The following SMYD3 variants were observed in gnomAD, a reference collection of about 807,000 sequenced individuals.
SMYD3 encodes the protein SET and MYND domain containing 3.
In SMYD3, 36 loss-of-function variants were observed where a neutral mutation model predicts 57.7. The ratio of observed to expected loss-of-function variants is 0.62; its 90% confidence interval spans 0.48 to 0.82. The LOEUF (loss-of-function observed/expected upper bound fraction) is 0.82, where lower values mean the gene tolerates loss of function less well. SMYD3 is among the 40% of genes least tolerant of loss of function. The pLI is 0.00. For missense variants in SMYD3, 515 were observed against 538.8 expected (o/e 0.96, Z 0.44); for synonymous variants, 211 against 195.0 (o/e 1.08, Z -0.68).
Position 246,497,295 on chromosome 1 carries a change from A to C in SMYD3, c.164+9759T>G, listed in dbSNP as rs946424968. Among the ~76,000 whole-genome samples, 8 of 152,238 alleles carry C rather than the reference A, an allele frequency of 5.3e-5. 1 individual carries two copies. Among genetic ancestry groups the C allele is most frequent in the Admixed American group, 3.9e-4 (6 of 15,280 alleles). On this transcript the variant is annotated intron_variant, in intron 1 of 11. Coordinates refer to ENST00000490107, the MANE Select transcript of SMYD3 (RefSeq NM_001167740.2). Reference sequence around the variant, plus strand: ...CATGTAAATTTCATTAGTGAGTTTTATATAGATATTTATGACAAAATTTAA... The same window carrying C: ...CATGTAAATTTCATTAGTGAGTTTTCTATAGATATTTATGACAAAATTTAA...
At chr1:246,137,333 A>G (rs183937478) in intron 5 of SMYD3, among the ~76,000 whole-genome samples, 15 of 152,260 alleles carry the variant, frequency 9.9e-5, no homozygotes, top group Non-Finnish European at 1.6e-4. Flanking sequence ...TCCTTTATGT[A>G]TCTCCCCAAA....
intron 10 of SMYD3, among the ~76,000 whole-genome samples, chr1:245,770,340 T>G (rs1243367239): frequency 6.6e-6 from 1 of 152,180 alleles, no homozygotes; most frequent in African/African-American, 2.4e-5. Flanking sequence ...GAAACTGGAA[T>G]TCAGGGATCA....
chr1:246,353,041 A>G (rs1352737234), intron 2 of SMYD3, among the ~76,000 whole-genome samples: 1 of 152,200 alleles, frequency 6.6e-6, no homozygotes. Flanking sequence ...GAACATCACC[A>G]TAAACCAAGC....
At chr1:245,904,972 C>A (rs1409639431) in intron 8 of SMYD3, among the ~76,000 whole-genome samples, 1 of 151,830 alleles carries the variant, frequency 6.6e-6, no homozygotes, top group African/African-American at 2.4e-5. Flanking sequence ...TCCCAGATGA[C>A]ATTTCTAGAC....
At chr1:246,369,107 C>T (rs2066152573) in intron 1 of SMYD3, among the ~76,000 whole-genome samples, 1 of 152,134 alleles carries the variant, frequency 6.6e-6, no homozygotes, top group Non-Finnish European at 1.5e-5. Context: ...AATAACATTA[C>T]ATGGGCCCTG....
At chr1:246,213,564 T>A (rs1354906724) in intron 5 of SMYD3, among the ~76,000 whole-genome samples, 3 of 152,180 alleles carry the variant, frequency 2.0e-5, no homozygotes, top group Admixed American at 6.5e-5. Context: ...CCAAGTTTGC[T>A]AGAACAAGGG....
At chr1:246,252,277 G>A (rs1027224070) in intron 5 of SMYD3, among the ~76,000 whole-genome samples, 1 of 151,590 alleles carries the variant, frequency 6.6e-6, no homozygotes, top group African/African-American at 2.4e-5. Context: ...GGCTTTAGTA[G>A]GTGCCTCAAA....
intron 5 of SMYD3, among the ~76,000 whole-genome samples, chr1:246,126,455 C>A (rs2061511085): frequency 6.6e-6 from 1 of 152,162 alleles, no homozygotes; most frequent in South Asian, 2.1e-4. Context: ...GTTTAGTAGT[C>A]ACTGAATTAT....
chr1:246,192,825 C>T (rs1425647811), intron 5 of SMYD3, among the ~76,000 whole-genome samples: 4 of 151,196 alleles, frequency 2.6e-5, no homozygotes, highest in South Asian at 4.2e-4. Context: ...AAAAGGAGAA[C>T]AGTAAGTCCT....
intron 1 of SMYD3, among the ~76,000 whole-genome samples, chr1:246,489,342 A>G (rs972019570): frequency 2.0e-5 from 3 of 151,986 alleles, no homozygotes; most frequent in African/African-American, 4.8e-5. Flanking sequence ...ACAGAGCGAG[A>G]CTCCATCTCA....
chr1:246,021,001 A>T (rs1280974524), intron 5 of SMYD3, among the ~76,000 whole-genome samples: 1 of 152,232 alleles, frequency 6.6e-6, no homozygotes, highest in Non-Finnish European at 1.5e-5. Flanking sequence ...TGTCTAAGTA[A>T]ACAGCAAATT....
Position 246,420,337 on chromosome 1 carries a change from T to C in SMYD3, c.165-65243A>G, listed in dbSNP as rs191668263. Among the ~76,000 whole-genome samples, 13 of 152,332 alleles carry C rather than the reference T, an allele frequency of 8.5e-5. No homozygotes were observed. The East Asian group carries it at 1.9e-3, about 23-fold the overall frequency. On this transcript the variant is annotated intron_variant, in intron 1 of 11. Transcript: ENST00000490107. Reference sequence around the variant, plus strand: ...AAACTGACTCCATCATGCAAGAGACTGCTCCTACAGCTTGGGGTTGGAAGT... The same window carrying C: ...AAACTGACTCCATCATGCAAGAGACCGCTCCTACAGCTTGGGGTTGGAAGT...
At chr1:246,414,819 G>GTAA (rs2067034506) in intron 1 of SMYD3, among the ~76,000 whole-genome samples, 1 of 146,714 alleles carries the variant, frequency 6.8e-6, no homozygotes, top group Admixed American at 7.0e-5. Context: ...CTGAGTTCAA[G>GTAA]TGATTCTCCT....
chr1:246,497,450 G>C (rs1015431212), intron 1 of SMYD3, among the ~76,000 whole-genome samples: 1 of 152,186 alleles, frequency 6.6e-6, no homozygotes, highest in African/African-American at 2.4e-5. Flanking sequence ...TAAAAAATAA[G>C]TTGCCTTTCT....
intron 5 of SMYD3, among the ~76,000 whole-genome samples, chr1:246,024,390 T>C (rs1253256781): frequency 2.2e-4 from 15 of 69,548 alleles, no homozygotes; most frequent in African/African-American, 1.0e-3. Flanking sequence ...ATACAGGAAG[T>C]GGACAGCATC....
intron 5 of SMYD3, among the ~76,000 whole-genome samples, chr1:246,070,196 G>C (rs1478866316): frequency 6.6e-6 from 1 of 152,110 alleles, no homozygotes; most frequent in East Asian, 1.9e-4. Context: ...AGCAGTCTCT[G>C]GTCCTTCTTT....
chr1:246,216,875 C>T (rs1308082822), intron 5 of SMYD3, among the ~76,000 whole-genome samples: 2 of 152,032 alleles, frequency 1.3e-5, no homozygotes, highest in South Asian at 2.1e-4. Context: ...TTGACGGAGA[C>T]GTGGGCACAA....
intron 8 of SMYD3, among the ~76,000 whole-genome samples, chr1:245,894,561 A>C (rs2053626324): frequency 6.6e-6 from 1 of 152,180 alleles, no homozygotes; most frequent in Admixed American, 6.5e-5. Context: ...CAAGTCATCA[A>C]GACCATGAAC....
chr1:246,109,943 G>A (rs1267350441), intron 5 of SMYD3: 1 of 152,194 alleles, frequency 6.6e-6, no homozygotes, highest in Non-Finnish European at 1.5e-5. Context: ...TGTGTTATAG[G>A]AAGGCAGAAT....
Sources: gnomAD v4.1 joint callset for allele counts (sites outside exome capture counted in the v4.1 genomes callset) on GRCh38, gnomAD v4.1.1 for gene constraint, MANE v1.5 for transcripts, NCBI Gene and HGNC (gene_info 2026-07-23, HGNC 2026-07-21) for gene names.